Variants in RBFOX2 observed in about 807,000 individuals in gnomAD.
RBFOX2 encodes the protein RNA binding protein fox-1 homolog 2.
A neutral mutation model predicts 49.1 loss-of-function variants in RBFOX2; 10 were observed. The ratio of observed to expected loss-of-function variants is 0.20; its 90% CI spans 0.13 to 0.35. The LOEUF (loss-of-function observed/expected upper bound fraction) is 0.35. Ranked by LOEUF, RBFOX2 falls within the 10% of genes least tolerant of loss-of-function variation. RBFOX2 has a pLI of 1.00. For missense variants in RBFOX2, 323 were observed against 486.9 expected (o/e 0.66, Z 3.17); for synonymous variants, 183 against 187.4 (o/e 0.98, Z 0.19).
At chr22:35,918,446 G>A (rs1409739644) in intron 1 of RBFOX2, among the ~76,000 whole-genome samples, 4 of 152,208 alleles carry the variant, frequency 2.6e-5, no homozygotes, top group Non-Finnish European at 5.9e-5. Flanking sequence ...AGGGGCCCTA[G>A]AGTCAGCATT....
chr22:35,931,394 T>G (rs560511781), intron 1 of RBFOX2, among the ~76,000 whole-genome samples: 1 of 151,914 alleles, frequency 6.6e-6, no homozygotes, highest in African/African-American at 2.4e-5. Context: ...GTTTTACTTC[T>G]GAACCATTTT....
At chr22:35,808,331 T>C (rs1362696720) in intron 2 of RBFOX2, among the ~76,000 whole-genome samples, 1 of 152,182 alleles carries the variant, frequency 6.6e-6, no homozygotes, top group Non-Finnish European at 1.5e-5. Flanking sequence ...AATTATGTGC[T>C]TATACATAAC....
intron 2 of RBFOX2, among the ~76,000 whole-genome samples, chr22:35,809,421 C>G (rs1457740270): frequency 6.6e-6 from 1 of 151,902 alleles, no homozygotes; most frequent in East Asian, 1.9e-4. Context: ...AAGAATATTC[C>G]TAGGTTTTGC....
intron 2 of RBFOX2, among the ~76,000 whole-genome samples, chr22:35,789,192 G>C (rs976916928): frequency 2.6e-5 from 4 of 152,086 alleles, no homozygotes; most frequent in African/African-American, 9.7e-5. Flanking sequence ...AATAGGTTGT[G>C]TTGTAAACTT....
chr22:36,028,404 G>A, exon 1 of RBFOX2: 1 of 1,235,980 alleles, frequency 8.1e-7, no homozygotes, highest in Non-Finnish European at 1.0e-6. Context: ...GGCGGCTGAT[G>A]CGGCTGGGCG....
chr22:35,793,486 A>C (rs1208115254), intron 2 of RBFOX2, among the ~76,000 whole-genome samples: 1 of 152,246 alleles, frequency 6.6e-6, no homozygotes, highest in East Asian at 1.9e-4. Flanking sequence ...ACGCAATAAC[A>C]TGATAAAATA....
At chr22:35,854,009 G>C (rs1057254565) in intron 1 of RBFOX2, among the ~76,000 whole-genome samples, 1 of 152,064 alleles carries the variant, frequency 6.6e-6, no homozygotes, top group South Asian at 2.1e-4. Flanking sequence ...TCAGGTGTTC[G>C]AGACCAGCCT....
At chr22:35,814,609 G>A (rs1352255451) in intron 1 of RBFOX2, among the ~76,000 whole-genome samples, 1 of 150,420 alleles carries the variant, frequency 6.6e-6, no homozygotes, top group Non-Finnish European at 1.5e-5. Context: ...TGCTCAGGAG[G>A]CTGAGACAAG....
At chr22:35,868,888 C>T (rs1261235588) in intron 1 of RBFOX2, among the ~76,000 whole-genome samples, 1 of 152,148 alleles carries the variant, frequency 6.6e-6, no homozygotes, top group Non-Finnish European at 1.5e-5. Flanking sequence ...TTAAACACAC[C>T]TATCTTTCCT....
chr22:35,777,136 C>G (rs529222164), intron 4 of RBFOX2, among the ~76,000 whole-genome samples: 1 of 151,776 alleles, frequency 6.6e-6, no homozygotes. Context: ...CTCAGCCTCC[C>G]GAGTAGCTGG....
intron 1 of RBFOX2, among the ~76,000 whole-genome samples, chr22:35,973,455 C>T (rs1208722025): frequency 6.6e-6 from 1 of 152,146 alleles, no homozygotes; most frequent in Non-Finnish European, 1.5e-5. Context: ...AAAACTCCCT[C>T]AATAGGAGCG....
intron 1 of RBFOX2, among the ~76,000 whole-genome samples, chr22:35,892,286 AC>A (rs535746828): frequency 5.7e-4 from 87 of 152,260 alleles, no homozygotes; most frequent in Admixed American, 2.4e-3. Context: ...TGGGATTTAG[AC>A]CTAGTGAGGT....
upstream of RBFOX2, among the ~76,000 whole-genome samples, chr22:35,941,066 C>T (rs547435156): frequency 7.2e-5 from 11 of 152,000 alleles, no homozygotes; most frequent in South Asian, 1.0e-3. Flanking sequence ...TTCATAAATG[C>T]GAGATTTATG....
At chr22:35,820,176 C>T (rs1002439627) in intron 1 of RBFOX2, among the ~76,000 whole-genome samples, 1 of 152,182 alleles carries the variant, frequency 6.6e-6, no homozygotes, top group Non-Finnish European at 1.5e-5. Flanking sequence ...AGCTTTTACA[C>T]TCCACTGAGA....
At chr22:35,818,026 T>C (rs1310005242) in intron 1 of RBFOX2, among the ~76,000 whole-genome samples, 1 of 152,088 alleles carries the variant, frequency 6.6e-6, no homozygotes, top group African/African-American at 2.4e-5. Flanking sequence ...CAGTCCGGTC[T>C]TTCCCTTGAG....
intron 1 of RBFOX2, among the ~76,000 whole-genome samples, chr22:35,983,481 T>C (rs534627639): frequency 6.6e-6 from 1 of 152,338 alleles, no homozygotes; most frequent in South Asian, 2.1e-4. Flanking sequence ...CTATAATAAT[T>C]ACTTTTAGGA....
At chr22:35,845,458 A>C (rs556184309), upstream of RBFOX2, among the ~76,000 whole-genome samples, 45 of 152,272 alleles carry the variant, frequency 3.0e-4, 2 homozygotes, top group South Asian at 9.3e-3. Context: ...ATAGGCTTAT[A>C]AAAAACAATC....
chr22:35,977,687 T>C (rs1283938661), intron 1 of RBFOX2, among the ~76,000 whole-genome samples: 2 of 140,174 alleles, frequency 1.4e-5, no homozygotes, highest in Non-Finnish European at 3.0e-5. Flanking sequence ...CTTAAAAGAA[T>C]GAATTTTACT....
At chr22:35,810,130 C>T (rs1461508088) in intron 1 of RBFOX2, 126 bp from the exon 3 acceptor site, 1 of 908,018 alleles carries the variant, frequency 1.1e-6, no homozygotes, top group Non-Finnish European at 1.7e-6. Flanking sequence ...ATGCTTATTG[C>T]TCCAGGATTG....
Sources: gnomAD v4.1 joint callset for allele counts (sites outside exome capture counted in the v4.1 genomes callset) on GRCh38, gnomAD v4.1.1 for gene constraint, MANE v1.5 for transcripts, NCBI Gene and HGNC (gene_info 2026-07-23, HGNC 2026-07-21) for gene names.